Variants in GRAMD1B observed in about 807,000 individuals in gnomAD.
The protein encoded by GRAMD1B is GRAM domain containing 1B, also known as protein Aster-B.
In GRAMD1B, 37 loss-of-function variants were observed where a neutral mutation model predicts 99.7. The ratio of observed to expected loss-of-function variants is 0.37; its 90% CI spans 0.29 to 0.49. The LOEUF (loss-of-function observed/expected upper bound fraction) is 0.49. GRAMD1B is among the 20% of genes least tolerant of loss of function. The pLI, the probability that GRAMD1B is intolerant of heterozygous loss-of-function variation, is 0.98. For missense variants in GRAMD1B, 888 were observed against 1,009.2 expected, an observed-to-expected ratio of 0.88 and a Z score of 1.63; for synonymous variants, 427 against 387.6, an observed-to-expected ratio of 1.10 and a Z score of -1.19.
At position 123,625,047 on chromosome 11, in the gene GRAMD1B, T is replaced by C. The variant is rs1955421454; in HGVS notation, c.*2452T>C. 1 of 152,214 alleles carries C rather than the reference T, an allele frequency of 6.6e-6. No individual in the cohort carries two copies. The highest frequency in any genetic ancestry group is 2.4e-5 in the African/African-American group (1 of 41,438). 9.4% of individuals were successfully genotyped at this position (152,214 alleles called of 1,614,324 possible). On this transcript the variant is annotated 3_prime_UTR_variant, in exon 20 of 20. Coordinates refer to ENST00000635736, the MANE Select transcript of GRAMD1B (RefSeq NM_001387025.1). ...CTCTTGTAGGCTCTCTGTGTTCCAA[T>C]AATTTTTTGACTATCATACCAGGAA...
intron 3 of GRAMD1B, among the ~76,000 whole-genome samples, chr11:123,580,527 T>A (rs1339284590): frequency 6.6e-6 from 1 of 152,212 alleles, no homozygotes; most frequent in Non-Finnish European, 1.5e-5. Flanking sequence ...TCAGGTCCCA[T>A]GCACGGTGTC....
intron 1 of GRAMD1B, among the ~76,000 whole-genome samples, chr11:123,476,647 C>T (rs1174354629): frequency 6.6e-6 from 1 of 152,190 alleles, no homozygotes; most frequent in African/African-American, 2.4e-5. Flanking sequence ...CATCACAGTC[C>T]ACGGTGAATA....
At chr11:123,581,955 CT>C (rs1949402666) in intron 3 of GRAMD1B, among the ~76,000 whole-genome samples, 1 of 152,252 alleles carries the variant, frequency 6.6e-6, no homozygotes, top group Non-Finnish European at 1.5e-5. Flanking sequence ...CGGGGTCCCC[CT>C]GTCAGCCCAT....
At chr11:123,605,286 T>A (rs771473549) in intron 9 of GRAMD1B, 36 bp from the exon 10 acceptor site, 2 of 1,505,990 alleles carry the variant, frequency 1.3e-6, no homozygotes, top group Non-Finnish European at 1.8e-6. Context: ...CTTGAACCAC[T>A]GAGGGTAATG....
chr11:123,536,458 G>T (rs894196988), intron 2 of GRAMD1B, among the ~76,000 whole-genome samples: 3 of 151,968 alleles, frequency 2.0e-5, no homozygotes, highest in Non-Finnish European at 2.9e-5. Flanking sequence ...AATAAAATCG[G>T]GTTAATGACA....
At chr11:123,423,123 A>G (rs189354508) in intron 1 of GRAMD1B, among the ~76,000 whole-genome samples, 5 of 152,252 alleles carry the variant, frequency 3.3e-5, no homozygotes, top group Non-Finnish European at 5.9e-5. Flanking sequence ...TTGCTAGATT[A>G]CCAGGTACAC....
chr11:123,464,879 G>A (rs1950592880), intron 1 of GRAMD1B, among the ~76,000 whole-genome samples: 1 of 152,158 alleles, frequency 6.6e-6, no homozygotes, highest in Admixed American at 6.5e-5. Flanking sequence ...ACAGCTAAGT[G>A]GAGGGATGGT....
At chr11:123,407,249 A>G (rs979164991) in intron 1 of GRAMD1B, among the ~76,000 whole-genome samples, 8 of 142,248 alleles carry the variant, frequency 5.6e-5, no homozygotes, top group African/African-American at 2.1e-4. Flanking sequence ...TCCAGACTGG[A>G]AATTATTACT....
chr11:123,366,945 T>C (rs747661371), intron 1 of GRAMD1B, among the ~76,000 whole-genome samples: 2 of 152,218 alleles, frequency 1.3e-5, no homozygotes, highest in Admixed American at 6.5e-5. Context: ...GGCTTATACC[T>C]GTAATCCCAG....
chr11:123,486,564 A>AAAAAAAAAAAAAG (rs779982778), intron 2 of GRAMD1B, among the ~76,000 whole-genome samples: 11 of 147,712 alleles, frequency 7.4e-5, no homozygotes, highest in South Asian at 2.1e-4. Flanking sequence ...GAAAAAAAAA[A>AAAAAAAAAAAAAG]AAAAACAAAA....
At chr11:123,391,577 C>A (rs572437802) in intron 1 of GRAMD1B, among the ~76,000 whole-genome samples, 1 of 152,310 alleles carries the variant, frequency 6.6e-6, no homozygotes, top group East Asian at 1.9e-4. Flanking sequence ...CTGCCTCAGC[C>A]TCCCAAGTAG....
At chr11:123,528,846 G>T (rs992665435) in intron 2 of GRAMD1B, among the ~76,000 whole-genome samples, 3 of 152,212 alleles carry the variant, frequency 2.0e-5, no homozygotes, top group African/African-American at 7.2e-5. Context: ...GAGGCACAGA[G>T]TGGTAAAGTG....
intron 2 of GRAMD1B, among the ~76,000 whole-genome samples, chr11:123,520,735 T>C (rs1942120567): frequency 7.4e-6 from 1 of 134,754 alleles, no homozygotes; most frequent in Non-Finnish European, 1.5e-5. Flanking sequence ...GCCGTGATCA[T>C]GCTACTGCAC....
intron 1 of GRAMD1B, among the ~76,000 whole-genome samples, chr11:123,408,320 G>A (rs1947925556): frequency 6.6e-6 from 1 of 152,174 alleles, no homozygotes; most frequent in Non-Finnish European, 1.5e-5. Flanking sequence ...AAACCAGTTG[G>A]GATTTTTCTG....
intron 1 of GRAMD1B, among the ~76,000 whole-genome samples, chr11:123,471,535 T>A (rs1951016149): frequency 6.6e-6 from 1 of 151,328 alleles, no homozygotes; most frequent in African/African-American, 2.4e-5. Flanking sequence ...CAGGGGAGAG[T>A]AATGCCAGAG....
At chr11:123,523,176 A>G (rs1341646122) in intron 2 of GRAMD1B, among the ~76,000 whole-genome samples, 2 of 152,148 alleles carry the variant, frequency 1.3e-5, no homozygotes, top group East Asian at 1.9e-4. Flanking sequence ...TACTAAAAAT[A>G]CAAAAATTAA....
intron 7 of GRAMD1B, chr11:123,599,011 T>C (rs2136672953): frequency 1.8e-6 from 2 of 1,106,174 alleles, no homozygotes; most frequent in East Asian, 2.4e-5. Flanking sequence ...TTAATGTACT[T>C]GAGGCAACAG....
chr11:123,612,824 G>A lies in GRAMD1B; in HGVS notation c.1983G>A (p.Lys661=), dbSNP rs1314316031. ...PWGLVKTFIE[K]NFWSGLEDYF... ...GGTTAGTGAAAACGTTCATCGAGAA[G>A]AACTTCTGGAGTGGGCTGGAGGACT... The change falls in exon 15 of 20, where the codon AAG becomes AAA. Residue 661 remains lysine (K), a synonymous_variant. Coordinates refer to ENST00000635736, the MANE Select transcript of GRAMD1B (RefSeq NM_001387025.1). 1.2e-6 allele frequency: 2 copies of A among 1,612,292 alleles called. No individual in the cohort carries two copies. The highest frequency in any genetic ancestry group is 1.7e-6 in the Non-Finnish European group (2 of 1,178,664).
intron 2 of GRAMD1B, among the ~76,000 whole-genome samples, chr11:123,494,004 C>T (rs1267116544): frequency 1.3e-5 from 2 of 152,160 alleles, no homozygotes; most frequent in Admixed American, 6.5e-5. Context: ...TCCATTTTAG[C>T]ATTAATCACA....
Sources: allele counts gnomAD v4.1 joint callset (sites outside exome capture counted in the v4.1 genomes callset), GRCh38; gene constraint gnomAD v4.1.1; transcripts MANE v1.5; gene names NCBI Gene and HGNC (gene_info 2026-07-23, HGNC 2026-07-21).